CACNA1B: variants seen among roughly 807,000 people sequenced by gnomAD.
The protein encoded by CACNA1B is calcium voltage-gated channel subunit alpha1 B.
In CACNA1B, 70 loss-of-function variants were observed where a neutral mutation model predicts 247.2. The observed-to-expected ratio is 0.28, with a 90% CI of 0.23 to 0.35. CACNA1B has a LOEUF of 0.35. Ranked by LOEUF, CACNA1B falls within the 10% of genes least tolerant of loss-of-function variation. The probability of loss-of-function intolerance (pLI) is 1.00; values close to 1 mark genes in which losing one functional copy is unlikely to be tolerated. For synonymous variants in CACNA1B, 1,231 were observed against 1,294.4 expected, an observed-to-expected ratio of 0.95 and a Z score of 1.05; for missense variants, 2,367 against 3,197.4, an observed-to-expected ratio of 0.74 and a Z score of 6.26.
In CACNA1B at chr9:137,946,913, G is replaced by T. The variant is rs554700083; in HGVS notation, c.967-5361G>T. On this transcript the variant is annotated intron_variant, in intron 6 of 46. Coordinates refer to ENST00000371372, the MANE Select transcript of CACNA1B (RefSeq NM_000718.4). The stretch of plus-strand genomic sequence containing the variant: ...GGGGTCTTGACTATGAGTCATCCAG[G>T]TTCTTGGCATTTTGAACAAAGAATT... Among the ~76,000 whole-genome samples the T allele has an allele frequency of 2.0e-5, 3 of 152,340 alleles. No individual in the cohort carries two copies. The South Asian group carries it at 6.2e-4, about 32-fold the overall frequency.
chr9:137,928,017 C>A (rs1957570957), intron 6 of CACNA1B, among the ~76,000 whole-genome samples: 2 of 152,120 alleles, frequency 1.3e-5, no homozygotes, highest in Admixed American at 1.3e-4. Flanking sequence ...TTATGTGTTG[C>A]TGAATTGTAT....
chr9:137,913,840 G>T lies in CACNA1B; in HGVS notation c.622+569G>T, dbSNP rs897487118. On this transcript the variant is annotated intron_variant, in intron 4 of 46. Coordinates refer to ENST00000371372, the MANE Select transcript of CACNA1B (RefSeq NM_000718.4). The surrounding 1 kb of genome is among the most constrained non-coding windows in gnomAD (Gnocchi z 5.2). ...TGGTTTTAGGTTTACCTAAGGGCCTGAGTGGACATGGAACTAGAGCTGTGT... is the reference window on the plus strand; with the variant it reads ...TGGTTTTAGGTTTACCTAAGGGCCTTAGTGGACATGGAACTAGAGCTGTGT... Among the ~76,000 whole-genome samples, 9 of 152,192 alleles carry T rather than the reference G, an allele frequency of 5.9e-5. No homozygotes were observed. The highest frequency in any genetic ancestry group is 1.9e-4 in the East Asian group (1 of 5,178).
At chr9:138,076,424 T>C (rs1564274751) in intron 35 of CACNA1B, among the ~76,000 whole-genome samples, 1 of 152,212 alleles carries the variant, frequency 6.6e-6, no homozygotes, top group Non-Finnish European at 1.5e-5. Flanking sequence ...GAACTGCCGA[T>C]CTGAACACAC....
rs1369091350 is a variant in CACNA1B at position 138,014,060 on chromosome 9, G to A, written c.2267+825G>A. Among the ~76,000 whole-genome samples the A allele has an allele frequency of 2.6e-5, 4 of 152,246 alleles. No individual in the cohort carries two copies. The highest frequency in any genetic ancestry group is 1.3e-4 in the Admixed American group (2 of 15,292). ...CGGCCACCCGCCCTGCCGTGAACACGGAACACAGGGCCGGGTGCAGCCACA... is the reference window on the plus strand; with the variant it reads ...CGGCCACCCGCCCTGCCGTGAACACAGAACACAGGGCCGGGTGCAGCCACA... On this transcript the variant is annotated intron_variant, in intron 18 of 46. Transcript: ENST00000371372. The surrounding 1 kb of genome is among the most constrained non-coding windows in gnomAD (Gnocchi z 6.2).
rs1176012151 is a variant in CACNA1B, at chr9:137,917,458, G to A, written c.966+27G>A. 23 of 1,603,274 alleles carry A rather than the reference G, an allele frequency of 1.4e-5. No individual in the cohort carries two copies. The highest frequency in any genetic ancestry group is 2.0e-5 in the Non-Finnish European group (23 of 1,173,120). On this transcript the variant is annotated intron_variant, in intron 6 of 46. Transcript: ENST00000371372. The surrounding 1 kb of genome is among the most constrained non-coding windows in gnomAD (Gnocchi z 5.5). ...TGAGTGGCGTCTTGGCCCTGGGCCT[G>A]AGGGCAGGCCCTGGACCTCCTGAGC...
At chr9:137,879,024 C>T (rs374340725) in intron 1 of CACNA1B, 30 bp from the exon 2 acceptor site, 14 of 1,443,464 alleles carry the variant, frequency 9.7e-6, no homozygotes, top group Admixed American at 1.8e-5. Flanking sequence ...CTCCGTGCGG[C>T]GTCTGCCGGC....
rs544671640 is a variant in CACNA1B at position 137,919,683 on chromosome 9, C to T, written c.966+2252C>T. Among the ~76,000 whole-genome samples, 9 of 152,282 alleles carry T rather than the reference C, an allele frequency of 5.9e-5. No homozygotes were observed. The East Asian group carries it at 7.7e-4, about 13-fold the overall frequency. On this transcript the variant is annotated intron_variant, in intron 6 of 46. Transcript: ENST00000371372. The surrounding 1 kb of genome is among the most constrained non-coding windows in gnomAD (Gnocchi z 4.6). The stretch of plus-strand genomic sequence containing the variant: ...CAATGACATCTGGGTTCTTTGTGGG[C>T]GGAAGCCCACGGCCTGCAGTAGGGG...
chr9:138,097,021 G>A (rs1041214988), intron 37 of CACNA1B, among the ~76,000 whole-genome samples: 1 of 151,686 alleles, frequency 6.6e-6, no homozygotes, highest in Non-Finnish European at 1.5e-5. Flanking sequence ...CACAGCCATA[G>A]CGTCCTTGTG....
At chr9:137,960,440 G>GC (rs1958005973) in intron 10 of CACNA1B, among the ~76,000 whole-genome samples, 1 of 43,056 alleles carries the variant, frequency 2.3e-5, no homozygotes, top group Non-Finnish European at 4.0e-5. Context: ...GAGACGGAGG[G>GC]GGAGGGGAGG....
chr9:138,023,935 A>G lies in CACNA1B; in HGVS notation c.3068+124A>G, dbSNP rs564113329. On this transcript the variant is annotated intron_variant, in intron 19 of 46. Transcript: ENST00000371372. ...CAGCCCCGGCCACGCTGCCATGTCC[A>G]GAGCCGTCGGGGCTGGGGTCTCTGC... is the stretch of plus-strand genomic sequence containing the variant. 119 of 607,350 alleles carry G rather than the reference A, an allele frequency of 2.0e-4. 1 individual carries two copies. In the South Asian group the frequency reaches 2.3e-3, roughly 12 times the overall value. The allele number at this position is 607,350 out of a possible 1,614,324, so 37.6% of individuals were successfully genotyped here.
intron 21 of CACNA1B, among the ~76,000 whole-genome samples, chr9:138,044,837 C>T (rs768809919): frequency 6.6e-6 from 1 of 152,246 alleles, no homozygotes; most frequent in Non-Finnish European, 1.5e-5. Flanking sequence ...CCTCCTCCCC[C>T]CAGTCACTCT....
Position 138,075,829 on chromosome 9 carries a change from A to G in CACNA1B, c.4868A>G (p.Asn1623Ser). 6.2e-7 allele frequency: 1 copy of G among 1,608,308 alleles called. No homozygotes were observed. The highest frequency in any genetic ancestry group is 1.1e-5 in the South Asian group (1 of 90,314). The change falls in exon 35 of 47, where the codon AAT becomes AGT. Residue 1623 changes from asparagine (N) to serine (S), a missense_variant. Coordinates refer to ENST00000371372, the MANE Select transcript of CACNA1B (RefSeq NM_000718.4). ...TCTTCTCCATTGCAGGTGTTTGGGA[A>G]TATTGCCCTGGATGATGACACCAGC... ...YAIIGMQVFG[N>S]IALDDDTSIN... is the part of the protein sequence containing the mutation.
At chr9:137,883,498 T>C (rs1956958712) in intron 3 of CACNA1B, among the ~76,000 whole-genome samples, 1 of 151,540 alleles carries the variant, frequency 6.6e-6, no homozygotes, top group African/African-American at 2.4e-5. Context: ...ATCTAGAAGA[T>C]GGACCCAAGG....
At chr9:138,079,835 A>G (rs369046830) in intron 36 of CACNA1B, among the ~76,000 whole-genome samples, 1 of 149,640 alleles carries the variant, frequency 6.7e-6, no homozygotes, top group Non-Finnish European at 1.5e-5. Flanking sequence ...AAATTGCGCC[A>G]CTATACTCCA....
chr9:137,956,793 G>A lies in CACNA1B; in HGVS notation c.1209G>A (p.Glu403=), dbSNP rs779922972. The part of the protein sequence containing the change: ...FKAEEVMLAE[E]DRNAEEKSPL... ...CAGAGGAAGTCATGCTGGCCGAGGA[G>A]GACAGGAATGCAGAGGAGAAGTCCC... Residue 403 remains glutamate (E), a synonymous_variant, in exon 9 of 47, where the codon GAG becomes GAA. Transcript: ENST00000371372. 1 of 1,613,862 alleles carries A rather than the reference G, an allele frequency of 6.2e-7. No homozygotes were observed. Among genetic ancestry groups the A allele is most frequent in the Non-Finnish European group, 8.5e-7 (1 of 1,179,798 alleles).
chr9:138,113,820 CGGG>C, intron 40 of CACNA1B, among the ~76,000 whole-genome samples: 1 of 62,192 alleles, frequency 1.6e-5, no homozygotes, highest in East Asian at 5.5e-4. Context: ...GAGGGAGCGC[CGGG>C]AGGTGCCCAA....
At chr9:138,002,288 G>C (rs1958586521) in intron 15 of CACNA1B, among the ~76,000 whole-genome samples, 1 of 152,154 alleles carries the variant, frequency 6.6e-6, no homozygotes, top group Non-Finnish European at 1.5e-5. Flanking sequence ...TCAAAAATTT[G>C]GGTCTGGGAA....
intron 15 of CACNA1B, among the ~76,000 whole-genome samples, chr9:137,988,590 A>G (rs1958395487): frequency 6.6e-6 from 1 of 152,200 alleles, no homozygotes; most frequent in Admixed American, 6.5e-5. Flanking sequence ...ATACACTTAG[A>G]AAATAAAAGG....
chr9:138,071,393 G>A (rs576435516), intron 32 of CACNA1B, among the ~76,000 whole-genome samples: 15 of 152,352 alleles, frequency 9.8e-5, no homozygotes, highest in Non-Finnish European at 5.9e-5. Context: ...AGGGGCTGGC[G>A]GAGGCCAGAG....
Sources: gnomAD v4.1 joint callset for allele counts (sites outside exome capture counted in the v4.1 genomes callset) on GRCh38, gnomAD v4.1.1 for gene constraint, Gnocchi (gnomAD v3.1) non-coding constraint, MANE v1.5 for transcripts, NCBI Gene and HGNC (gene_info 2026-07-23, HGNC 2026-07-21) for gene names.